Variants in CMBL observed in about 807,000 individuals in gnomAD.
CMBL encodes carboxymethylenebutenolidase homolog, also known as carboxymethylenebutenolidase homolog (Pseudomonas).
In CMBL, 17 loss-of-function variants were observed where a neutral mutation model predicts 28.7. The ratio of observed to expected loss-of-function variants is 0.59; its 90% CI spans 0.41 to 0.89. The LOEUF (loss-of-function observed/expected upper bound fraction) is 0.89, where lower values mean the gene tolerates loss of function less well. Ranked by LOEUF, CMBL falls within the 40% of genes least tolerant of loss-of-function variation. CMBL has a pLI of 0.00. For synonymous variants in CMBL, 106 were observed against 101.6 expected, an observed-to-expected ratio of 1.04 and a Z score of -0.26; for missense variants, 310 against 298.5, an observed-to-expected ratio of 1.04 and a Z score of -0.28.
intron 4 of CMBL, among the ~76,000 whole-genome samples, chr5:10,283,092 G>GAAAAAAAA (rs70944000): frequency 1.7e-5 from 2 of 119,978 alleles, no homozygotes; most frequent in Non-Finnish European, 1.7e-5. Context: ...CTCCGTCTCA[G>GAAAAAAAA]AAAAAAAAAA....
At chr5:10,285,848 G>A (rs1232853899) in intron 4 of CMBL, among the ~76,000 whole-genome samples, 6 of 150,830 alleles carry the variant, frequency 4.0e-5, no homozygotes, top group African/African-American at 1.5e-4. Flanking sequence ...ACAGGTGCAC[G>A]TGACCACGCC....
At chr5:10,296,033 G>A (rs1037625992) in intron 1 of CMBL, among the ~76,000 whole-genome samples, 9 of 152,168 alleles carry the variant, frequency 5.9e-5, no homozygotes, top group Non-Finnish European at 5.9e-5. Flanking sequence ...GTTCAGGCAC[G>A]AGTTACAGTC....
intron 2 of CMBL, among the ~76,000 whole-genome samples, chr5:10,288,998 G>A (rs778958567): frequency 2.6e-5 from 4 of 152,200 alleles, no homozygotes; most frequent in Non-Finnish European, 4.4e-5. Context: ...CCAAGACGGC[G>A]ACGAAGCACA....
chr5:10,300,618 A>G (rs1263446209), intron 1 of CMBL, among the ~76,000 whole-genome samples: 3 of 151,958 alleles, frequency 2.0e-5, no homozygotes, highest in Non-Finnish European at 4.4e-5. Context: ...TGAGCAACAT[A>G]GGGAGACCCC....
rs1221417228 is a variant in CMBL, at chr5:10,278,490, A to C, written c.*1963T>G. Among the ~76,000 whole-genome samples the C allele has an allele frequency of 1.3e-5, 2 of 151,060 alleles. No homozygotes were observed. Among genetic ancestry groups the C allele is most frequent in the East Asian group, 2.0e-4 (1 of 5,126 alleles). ...CGGGGCTCATGCCTGCTTGCTCTAA[A>C]CCCCCCAGTTAGAACCTCCAGGGGA... On this transcript the variant is annotated 3_prime_UTR_variant, in exon 6 of 6. Coordinates refer to ENST00000296658, the MANE Select transcript of CMBL (RefSeq NM_138809.4).
At chr5:10,301,504 C>T (rs73741246) in intron 1 of CMBL, among the ~76,000 whole-genome samples, 50 of 151,182 alleles carry the variant, frequency 3.3e-4, no homozygotes, top group Non-Finnish European at 1.6e-4. Context: ...GGGGTGGGGG[C>T]GCGTGGGGCA....
At chr5:10,287,883 T>C (rs1408127661) in intron 3 of CMBL, among the ~76,000 whole-genome samples, 1 of 151,614 alleles carries the variant, frequency 6.6e-6, no homozygotes, top group Non-Finnish European at 1.5e-5. Flanking sequence ...GCTAAGTTTT[T>C]GGTTTGTTTG....
chr5:10,283,394 C>A (rs1746538623), intron 4 of CMBL, among the ~76,000 whole-genome samples: 3 of 152,176 alleles, frequency 2.0e-5, no homozygotes, highest in Admixed American at 2.0e-4. Context: ...GAGGAGCTGT[C>A]TTTTGAGTGG....
chr5:10,307,431 T>C lies in CMBL; in HGVS notation c.-20+194A>G, dbSNP rs1260685292. 4 of 152,334 alleles carry C rather than the reference T, an allele frequency of 2.6e-5. No homozygotes were observed. The East Asian group carries it at 5.8e-4, about 22-fold the overall frequency. The allele number at this position is 152,334 out of a possible 1,614,324, so 9.4% of individuals were successfully genotyped here. Reference sequence around the variant, plus strand: ...CAGCGGCTGCTTCGGACGCATGGGATCGTGGAGGCTGCTGTTCTGCAAGGA... The same window carrying C: ...CAGCGGCTGCTTCGGACGCATGGGACCGTGGAGGCTGCTGTTCTGCAAGGA... On this transcript the variant is annotated intron_variant, in intron 1 of 5. Coordinates refer to ENST00000296658, the MANE Select transcript of CMBL (RefSeq NM_138809.4).
At chr5:10,287,023 C>G (rs757589972) in intron 3 of CMBL, among the ~76,000 whole-genome samples, 9 of 152,202 alleles carry the variant, frequency 5.9e-5, no homozygotes, top group Admixed American at 1.3e-4. Flanking sequence ...GTCTCCTCCC[C>G]CTGCCGCCCA....
intron 1 of CMBL, among the ~76,000 whole-genome samples, chr5:10,295,370 C>T (rs946044503): frequency 1.3e-5 from 2 of 152,200 alleles, no homozygotes; most frequent in African/African-American, 4.8e-5. Context: ...CAGATGTGAG[C>T]CACTGTGCCT....
chr5:10,294,443 A>G lies in CMBL; in HGVS notation c.-19-3662T>C, dbSNP rs544478827. Among the ~76,000 whole-genome samples, 5 of 152,280 alleles carry G rather than the reference A, an allele frequency of 3.3e-5. No homozygotes were observed. The East Asian group carries it at 9.6e-4, about 29-fold the overall frequency. ...ACTGGGCATGGTGGCACATGCCTGT[A>G]TTCCCAGCTACTCAGGAGGCTGAGG... On this transcript the variant is annotated intron_variant, in intron 1 of 5. Transcript: ENST00000296658.
At chr5:10,300,341 A>G (rs1746878326) in intron 1 of CMBL, among the ~76,000 whole-genome samples, 1 of 152,176 alleles carries the variant, frequency 6.6e-6, no homozygotes, top group South Asian at 2.1e-4. Context: ...AGCCCTGCTG[A>G]CACTTTCAAT....
At chr5:10,281,922 G>A (rs1053385447) in intron 5 of CMBL, among the ~76,000 whole-genome samples, 1 of 152,116 alleles carries the variant, frequency 6.6e-6, no homozygotes, top group Non-Finnish European at 1.5e-5. Context: ...CACTTTGGGA[G>A]GCCAAGGCAG....
intron 4 of CMBL, among the ~76,000 whole-genome samples, chr5:10,285,489 G>A (rs1314594168): frequency 6.6e-6 from 1 of 151,934 alleles, no homozygotes; most frequent in Non-Finnish European, 1.5e-5. Context: ...ATAGAGACAA[G>A]GTCTCTCTAT....
chr5:10,292,337 C>T (rs2126552403), intron 1 of CMBL, among the ~76,000 whole-genome samples: 1 of 152,214 alleles, frequency 6.6e-6, no homozygotes, highest in East Asian at 1.9e-4. Flanking sequence ...TCCCAAGTAG[C>T]TGGGACTATG....
intron 1 of CMBL, among the ~76,000 whole-genome samples, chr5:10,296,032 C>T (rs531829340): frequency 3.5e-4 from 54 of 152,280 alleles, no homozygotes; most frequent in Non-Finnish European, 6.0e-4. Flanking sequence ...TGTTCAGGCA[C>T]GAGTTACAGT....
intron 1 of CMBL, among the ~76,000 whole-genome samples, chr5:10,303,094 A>T (rs1746939993): frequency 6.6e-6 from 1 of 152,156 alleles, no homozygotes; most frequent in Admixed American, 6.5e-5. Context: ...TATTGATTCC[A>T]GGTCTTTCAT....
At chr5:10,291,040 G>T (rs1389740152) in intron 1 of CMBL, among the ~76,000 whole-genome samples, 1 of 152,176 alleles carries the variant, frequency 6.6e-6, no homozygotes, top group African/African-American at 2.4e-5. Context: ...GGACTCTTCA[G>T]GGGGCAGGAT....
Sources: gnomAD v4.1 joint callset for allele counts (sites outside exome capture counted in the v4.1 genomes callset) on GRCh38, gnomAD v4.1.1 for gene constraint, MANE v1.5 for transcripts, NCBI Gene and HGNC (gene_info 2026-07-23, HGNC 2026-07-21) for gene names.